The following ZNF442 variants were observed in gnomAD, a reference collection of about 807,000 sequenced individuals.
The protein encoded by ZNF442 is zinc finger protein 442.
ZNF442 carries 45 observed loss-of-function variants against 57.0 expected under a neutral mutation model. The observed-to-expected ratio is 0.79, with a 90% CI of 0.62 to 1.01. ZNF442 has a LOEUF of 1.01. Ranked by LOEUF, ZNF442 falls within the 50% of genes least tolerant of loss-of-function variation. The pLI, the probability that ZNF442 is intolerant of heterozygous loss-of-function variation, is 0.00. For synonymous variants in ZNF442, 213 were observed against 241.8 expected (o/e 0.88, Z 1.10); for missense variants, 690 against 756.5 (o/e 0.91, Z 1.03).
At chr19:12,354,594 A>T (rs944141746) in intron 3 of ZNF442, among the ~76,000 whole-genome samples, 25 of 151,826 alleles carry the variant, frequency 1.6e-4, no homozygotes, top group African/African-American at 6.0e-4. Context: ...GGGGGGAGAC[A>T]GAGCCTTGCT....
chr19:12,365,723 G>A (rs10407325), upstream of ZNF442: 6,802 of 198,580 alleles, frequency 0.034, 437 homozygotes, highest in African/African-American at 0.14. Flanking sequence ...CAGTTCCCAA[G>A]AACTCGCCCC....
intron 3 of ZNF442, among the ~76,000 whole-genome samples, chr19:12,358,565 GAC>G (rs892447737): frequency 3.3e-5 from 5 of 152,268 alleles, no homozygotes; most frequent in African/African-American, 1.2e-4. Flanking sequence ...GCATATCTGA[GAC>G]ACTCAGCATA....
upstream of ZNF442, among the ~76,000 whole-genome samples, chr19:12,369,595 C>G (rs938701651): frequency 2.0e-5 from 3 of 148,882 alleles, no homozygotes; most frequent in Non-Finnish European, 4.5e-5. Context: ...GAGCGAAACT[C>G]CATCTCAAAA....
At chr19:12,355,945 G>C (rs1034643283) in intron 3 of ZNF442, among the ~76,000 whole-genome samples, 2 of 151,702 alleles carry the variant, frequency 1.3e-5, no homozygotes, top group African/African-American at 4.8e-5. Flanking sequence ...AGGCTGCAGA[G>C]AGCCTGGATG....
intron 3 of ZNF442, among the ~76,000 whole-genome samples, chr19:12,358,445 CT>C (rs1166423402): frequency 6.6e-6 from 1 of 152,192 alleles, no homozygotes; most frequent in African/African-American, 2.4e-5. Flanking sequence ...CAATCCTCCA[CT>C]TAGGTCGATT....
intron 1 of ZNF442, 123 bp from the exon 2 acceptor site, chr19:12,365,366 G>T: frequency 4.4e-6 from 1 of 225,716 alleles, no homozygotes. Context: ...CCAGCCCCCA[G>T]CTCCCACCCC....
upstream of ZNF442, among the ~76,000 whole-genome samples, chr19:12,367,922 C>A (rs897382674): frequency 3.9e-5 from 6 of 152,258 alleles, no homozygotes; most frequent in East Asian, 1.2e-3. Flanking sequence ...CCCGCCTCGG[C>A]CTCTCAAAGT....
upstream of ZNF442, among the ~76,000 whole-genome samples, chr19:12,370,609 C>A (rs181238441): frequency 2.0e-5 from 3 of 152,092 alleles, no homozygotes; most frequent in Non-Finnish European, 2.9e-5. Flanking sequence ...CCCAGGCCAT[C>A]TGGAGTCCTA....
chr19:12,369,389 C>A (rs543764482), upstream of ZNF442, among the ~76,000 whole-genome samples: 1 of 152,128 alleles, frequency 6.6e-6, no homozygotes, highest in African/African-American at 2.4e-5. Context: ...GAGGCCGAGG[C>A]GGGTGGATCA....
intron 3 of ZNF442, 54 bp downstream of exon 3, chr19:12,363,500 A>C: frequency 6.4e-7 from 1 of 1,561,320 alleles, no homozygotes; most frequent in Non-Finnish European, 8.8e-7. Flanking sequence ...TGCACACCTG[A>C]CCTGAATGGG....
chr19:12,352,547 C>T (rs1199441904), intron 4 of ZNF442, among the ~76,000 whole-genome samples: 1 of 152,304 alleles, frequency 6.6e-6, no homozygotes, highest in South Asian at 2.1e-4. Context: ...GTCTCTGCTA[C>T]CCCTGGGACA....
chr19:12,369,303 C>T (rs1004141320), upstream of ZNF442, among the ~76,000 whole-genome samples: 2 of 152,208 alleles, frequency 1.3e-5, no homozygotes, highest in African/African-American at 4.8e-5. Flanking sequence ...AAATCATAAA[C>T]ATGTCTCTTT....
intron 4 of ZNF442, among the ~76,000 whole-genome samples, chr19:12,352,286 C>G (rs138263276): frequency 0.012 from 1,846 of 152,218 alleles, 41 homozygotes; most frequent in African/African-American, 0.042. Flanking sequence ...GGTGCAATCT[C>G]GGCTCACTGC....
At chr19:12,371,951 C>T in the ZNF442 span, among the ~76,000 whole-genome samples, 2 of 152,144 alleles carry the variant, frequency 1.3e-5, no homozygotes, top group Non-Finnish European at 2.9e-5. Flanking sequence ...CAAGTGGGAT[C>T]TAATTAAATT....
chr19:12,352,131 G>T (rs2144815830), intron 4 of ZNF442, 61 bp from the exon 5 acceptor site: 2 of 1,495,266 alleles, frequency 1.3e-6, no homozygotes, highest in Admixed American at 1.8e-5. Context: ...AACACTACAA[G>T]ATTTTATGTA....
rs1946920165 is a variant in ZNF442 at position 12,346,107 on chromosome 19, C to T, written c.*3594G>A. 1 of 152,098 alleles carries T rather than the reference C, an allele frequency of 6.6e-6. No individual in the cohort carries two copies. The highest frequency in any genetic ancestry group is 1.5e-5 in the Non-Finnish European group (1 of 68,038). 9.4% of individuals were successfully genotyped at this position (152,098 alleles called of 1,614,324 possible). A position where few individuals can be genotyped will look rare whatever the true frequency, so the allele number is the denominator to read the frequency against. The stretch of plus-strand genomic sequence containing the variant: ...AAAGGGAGAACACATCTGCATATCA[C>T]ATATCAAATAAGGGCTTAATACCCA... On this transcript the variant is annotated 3_prime_UTR_variant, in exon 6 of 6. Transcript: ENST00000242804.
Position 12,350,302 on chromosome 19 carries a change from G to A in ZNF442, c.1283C>T (p.Thr428Ile). The A allele has an allele frequency of 6.2e-7, 1 of 1,613,868 alleles. No individual in the cohort carries two copies. The highest frequency in any genetic ancestry group is 8.5e-7 in the Non-Finnish European group (1 of 1,180,012). The part of the protein sequence containing the change: ...SVFQGHERTH[T>I]GEKPYECKEC... ...TTTACATTCATAGGGTTTCTCACCA[G>A]TATGAGTCCTTTCATGTCCTTGAAA... Residue 428 changes from threonine (T) to isoleucine (I), a missense_variant, in exon 6 of 6, where the codon ACT becomes ATT. Thr to Ile is a moderately conservative substitution (Grantham distance 89). Coordinates refer to ENST00000242804, the MANE Select transcript of ZNF442 (RefSeq NM_030824.3).
At chr19:12,372,921 A>G in the ZNF442 span, among the ~76,000 whole-genome samples, 1 of 152,142 alleles carries the variant, frequency 6.6e-6, no homozygotes, top group Non-Finnish European at 1.5e-5. Context: ...CTATAGGCAC[A>G]TGCCACCATG....
intron 3 of ZNF442, among the ~76,000 whole-genome samples, chr19:12,354,729 C>T (rs761171004): frequency 6.6e-6 from 1 of 152,310 alleles, no homozygotes; most frequent in Non-Finnish European, 1.5e-5. Flanking sequence ...TGCCAGCACA[C>T]TCAGCTAAAA....
Sources: allele counts gnomAD v4.1 joint callset (sites outside exome capture counted in the v4.1 genomes callset), GRCh38; gene constraint gnomAD v4.1.1; transcripts MANE v1.5; gene names NCBI Gene and HGNC (gene_info 2026-07-23, HGNC 2026-07-21).